Variants in FHIT observed in about 807,000 individuals in gnomAD.
FHIT encodes the protein bis(5'-adenosyl)-triphosphatase.
A neutral mutation model predicts 17.9 loss-of-function variants in FHIT; 19 were observed. The observed-to-expected ratio is 1.06, with a 90% confidence interval of 0.74 to 1.56. The LOEUF is 1.56. Among genes scored for constraint, FHIT ranks in the 40% most tolerant of loss-of-function variants. FHIT has a pLI of 0.00. For synonymous variants in FHIT, 81 were observed against 69.7 expected (o/e 1.16, Z -0.81); for missense variants, 248 against 189.2 (o/e 1.31, Z -1.82).
intron 4 of FHIT, among the ~76,000 whole-genome samples, chr3:60,539,159 G>T (rs955744117): frequency 6.6e-6 from 1 of 152,182 alleles, no homozygotes; most frequent in Non-Finnish European, 1.5e-5. Flanking sequence ...CTCAAAAGAA[G>T]ACATTTATGC....
chr3:61,155,461 T>TC (rs1356725634), intron 2 of FHIT, among the ~76,000 whole-genome samples: 1 of 151,914 alleles, frequency 6.6e-6, no homozygotes, highest in Non-Finnish European at 1.5e-5. Context: ...CTTTCTTGTT[T>TC]CTTTTTTTTC....
intron 5 of FHIT, among the ~76,000 whole-genome samples, chr3:60,051,670 GC>G (rs1701886165): frequency 6.6e-6 from 1 of 152,058 alleles, no homozygotes; most frequent in Admixed American, 6.5e-5. Context: ...TCTATATTTT[GC>G]ACCCACTGTG....
chr3:61,066,469 G>A (rs927267354), intron 2 of FHIT, among the ~76,000 whole-genome samples: 1 of 152,118 alleles, frequency 6.6e-6, no homozygotes, highest in Non-Finnish European at 1.5e-5. Flanking sequence ...CAAAAAATTA[G>A]CCTTGCGTAG....
At chr3:60,793,865 A>G (rs184139793) in intron 4 of FHIT, among the ~76,000 whole-genome samples, 9 of 152,304 alleles carry the variant, frequency 5.9e-5, no homozygotes, top group African/African-American at 2.2e-4. Flanking sequence ...AGCAGCTCCA[A>G]TTGGTCCTGC....
chr3:60,219,241 G>A (rs1703845456), intron 5 of FHIT, among the ~76,000 whole-genome samples: 1 of 152,046 alleles, frequency 6.6e-6, no homozygotes, highest in Admixed American at 6.6e-5. Flanking sequence ...TAATCCTTCT[G>A]TGGACATTCA....
chr3:59,941,167 G>A (rs1706497601), intron 7 of FHIT, among the ~76,000 whole-genome samples: 1 of 152,152 alleles, frequency 6.6e-6, no homozygotes, highest in African/African-American at 2.4e-5. Context: ...ATTCTTCAAA[G>A]TAATAACAGA....
intron 3 of FHIT, among the ~76,000 whole-genome samples, chr3:60,942,928 A>T (rs1708483053): frequency 6.6e-6 from 1 of 152,206 alleles, no homozygotes; most frequent in Admixed American, 6.5e-5. Flanking sequence ...CTCACAAATT[A>T]TTGACAGGTA....
intron 5 of FHIT, among the ~76,000 whole-genome samples, chr3:60,384,319 T>C (rs4679534): frequency 0.035 from 5,331 of 152,060 alleles, 484 homozygotes; most frequent in East Asian, 0.2. Context: ...ATTACTAATC[T>C]AATAATAACT....
chr3:60,688,317 A>G (rs1553698904), intron 4 of FHIT, among the ~76,000 whole-genome samples: 2 of 152,206 alleles, frequency 1.3e-5, no homozygotes, highest in African/African-American at 4.8e-5. Context: ...CAGTGGCAAG[A>G]CTTAACCAAA....
chr3:60,239,332 A>C (rs1385928990), intron 5 of FHIT, among the ~76,000 whole-genome samples: 1 of 152,126 alleles, frequency 6.6e-6, no homozygotes, highest in Non-Finnish European at 1.5e-5. Flanking sequence ...TGGAAGGCTA[A>C]GGTGGGAGGA....
At chr3:59,961,133 T>C (rs930945090) in intron 7 of FHIT, among the ~76,000 whole-genome samples, 2 of 152,120 alleles carry the variant, frequency 1.3e-5, no homozygotes, top group East Asian at 3.9e-4. Context: ...CATGACTAAT[T>C]GGAGGATTCA....
chr3:60,068,829 TA>T lies in FHIT; in HGVS notation c.104-54678del, dbSNP rs566321587. ...TTGAATAGAAATGCTATTCTTGTTTTAAAAAAAATTAGACGGTCCTAAGAAT... is the reference window on the plus strand; with the variant it reads ...TTGAATAGAAATGCTATTCTTGTTTTAAAAAAATTAGACGGTCCTAAGAAT... On this transcript the variant is annotated intron_variant, in intron 5 of 9. Transcript: ENST00000492590. Among the ~76,000 whole-genome samples, 7 of 152,128 alleles carry T rather than the reference TA, an allele frequency of 4.6e-5. No homozygotes were observed. In the South Asian group the frequency reaches 6.2e-4, roughly 14 times the overall value.
chr3:61,049,818 C>A (rs1221769590), intron 2 of FHIT, among the ~76,000 whole-genome samples: 5 of 152,030 alleles, frequency 3.3e-5, no homozygotes, highest in Non-Finnish European at 7.4e-5. Context: ...AGGTCATGAA[C>A]CAATGGAAGG....
intron 5 of FHIT, among the ~76,000 whole-genome samples, chr3:60,115,542 T>C (rs1490653010): frequency 1.3e-5 from 2 of 152,164 alleles, no homozygotes; most frequent in Non-Finnish European, 2.9e-5. Flanking sequence ...TAAGGGAAAA[T>C]TGGCCTACAT....
intron 5 of FHIT, among the ~76,000 whole-genome samples, chr3:60,336,128 C>A (rs962946586): frequency 3.9e-5 from 6 of 152,320 alleles, no homozygotes; most frequent in South Asian, 4.1e-4. Flanking sequence ...TGGGCTCTCT[C>A]CACATGCTTT....
At chr3:60,508,484 G>T (rs545792152) in intron 5 of FHIT, among the ~76,000 whole-genome samples, 66 of 152,284 alleles carry the variant, frequency 4.3e-4, no homozygotes, top group African/African-American at 1.6e-3. Flanking sequence ...GAGCATAAAT[G>T]ATGTTTGTCA....
At chr3:60,462,873 TC>T (rs1214320556) in intron 5 of FHIT, among the ~76,000 whole-genome samples, 6 of 152,164 alleles carry the variant, frequency 3.9e-5, no homozygotes, top group African/African-American at 1.4e-4. Context: ...GGCACAGTCC[TC>T]CCAATAGGCA....
chr3:60,685,094 C>T (rs1158233622), intron 4 of FHIT, among the ~76,000 whole-genome samples: 1 of 152,112 alleles, frequency 6.6e-6, no homozygotes, highest in African/African-American at 2.4e-5. Context: ...TTCCTAGTTA[C>T]TTCTCTACCC....
chr3:61,003,022 G>GT (rs2031202307), intron 3 of FHIT, among the ~76,000 whole-genome samples: 5 of 152,174 alleles, frequency 3.3e-5, no homozygotes. Flanking sequence ...TGCTGAAAGG[G>GT]TTTTTGTTGT....
Sources: allele counts gnomAD v4.1 joint callset (sites outside exome capture counted in the v4.1 genomes callset), GRCh38; gene constraint gnomAD v4.1.1; transcripts MANE v1.5; gene names NCBI Gene and HGNC (gene_info 2026-07-23, HGNC 2026-07-21).